Variants in CEP72 observed in about 807,000 individuals in gnomAD.
CEP72 encodes the protein centrosomal protein of 72 kDa.
In CEP72, 78 loss-of-function variants were observed where a neutral mutation model predicts 65.7. The ratio of observed to expected loss-of-function variants is 1.19; its 90% confidence interval spans 0.99 to 1.43. The LOEUF is 1.43. CEP72 is among the 40% of genes most tolerant of loss of function. The probability of loss-of-function intolerance (pLI) is 0.00; values close to 1 mark genes in which losing one functional copy is unlikely to be tolerated. For missense variants in CEP72, 914 were observed against 832.9 expected (o/e 1.10, Z -1.20); for synonymous variants, 358 against 351.7 (o/e 1.02, Z -0.20).
chr5:627,106 A>G (rs1047378044), intron 4 of CEP72, among the ~76,000 whole-genome samples: 2 of 152,210 alleles, frequency 1.3e-5, no homozygotes, highest in Admixed American at 6.5e-5. Context: ...TTTCTTCTGT[A>G]CAGTGAGCCC....
chr5:634,506 A>C (rs1340198613), intron 5 of CEP72, among the ~76,000 whole-genome samples: 1 of 152,266 alleles, frequency 6.6e-6, no homozygotes, highest in Non-Finnish European at 1.5e-5. Context: ...TCTTAGGTTC[A>C]TCTGTGCAAA....
chr5:616,435 C>T (rs1017430562), intron 1 of CEP72, among the ~76,000 whole-genome samples: 1 of 151,144 alleles, frequency 6.6e-6, no homozygotes, highest in Non-Finnish European at 1.5e-5. Flanking sequence ...CCTTGTTAGA[C>T]CTAAGTTCTG....
chr5:669,803 T>C (rs1006563931), downstream of CEP72, among the ~76,000 whole-genome samples: 7 of 151,928 alleles, frequency 4.6e-5, no homozygotes, highest in South Asian at 4.2e-4. Context: ...GAGACCCGGG[T>C]GCCCCCCGCC....
intron 4 of CEP72, among the ~76,000 whole-genome samples, chr5:628,013 T>C (rs1736865263): frequency 6.6e-6 from 1 of 152,182 alleles, no homozygotes; most frequent in Admixed American, 6.5e-5. Flanking sequence ...CGTGCAGACA[T>C]GGAGCGCCAC....
At chr5:668,351 G>T (rs61495967), downstream of CEP72, among the ~76,000 whole-genome samples, 2 of 92,722 alleles carry the variant, frequency 2.2e-5, no homozygotes, top group African/African-American at 1.1e-4. Context: ...AGGGAAGTGC[G>T]GACAAGCACA....
chr5:625,144 T>G (rs1249391987), intron 4 of CEP72, among the ~76,000 whole-genome samples: 1 of 152,164 alleles, frequency 6.6e-6, no homozygotes, highest in Non-Finnish European at 1.5e-5. Context: ...CCAGCCCTGC[T>G]GCCTGCATGT....
Position 629,540 on chromosome 5 carries a change from A to C in CEP72, c.513-4229A>C, listed in dbSNP as rs1697988. ...GGTTCTGTCCAGTGCCGGGATTTGG[A>C]CCAGTCCTGGTGGGGTTCTGTCCAG... On this transcript the variant is annotated intron_variant, in intron 4 of 11. Transcript: ENST00000264935. 4.2e-3 allele frequency among the ~76,000 whole-genome samples: 370 copies of C among 88,600 alleles called. 5 individuals are homozygous for C. The highest frequency in any genetic ancestry group is 0.019 in the African/African-American group (292 of 15,772). 58.1% of individuals were successfully genotyped at this position (88,600 alleles called of 152,430 possible).
chr5:640,318 C>T (rs1185127398), intron 8 of CEP72, 90 bp from the exon 9 acceptor site: 24 of 1,534,724 alleles, frequency 1.6e-5, no homozygotes, highest in Non-Finnish European at 2.0e-5. Flanking sequence ...GAGGCATCGT[C>T]TGTGTGATTC....
chr5:636,770 A>C (rs1178804824), intron 6 of CEP72, among the ~76,000 whole-genome samples: 1 of 150,474 alleles, frequency 6.6e-6, no homozygotes, highest in Admixed American at 6.6e-5. Flanking sequence ...AGATGGCATC[A>C]CTACACTCCA....
downstream of CEP72, among the ~76,000 whole-genome samples, chr5:670,787 CG>C (rs1344365775): frequency 6.6e-6 from 1 of 152,214 alleles, no homozygotes; most frequent in Non-Finnish European, 1.5e-5. Context: ...CAACGTTTCC[CG>C]GGGCCGACAG....
chr5:622,578 G>A (rs887728455), intron 3 of CEP72, among the ~76,000 whole-genome samples: 2 of 152,252 alleles, frequency 1.3e-5, no homozygotes, highest in Non-Finnish European at 2.9e-5. Context: ...CAGGCCCTGC[G>A]GCTGGGCTTC....
rs1371874224 is a variant in CEP72, at chr5:640,392, TG to T, written c.1343-14del. Reference sequence around the variant, plus strand: ...TAAGCCTAAGTGCTAATGTAATATTTGGTTTTCACTCCTAGCTCAGGCAAGA... The same window carrying T: ...TAAGCCTAAGTGCTAATGTAATATTTGTTTTCACTCCTAGCTCAGGCAAGA... On this transcript the variant is annotated splice_polypyrimidine_tract_variant and intron_variant, in intron 8 of 11. Transcript: ENST00000264935. 3 of 1,607,970 alleles carry T rather than the reference TG, an allele frequency of 1.9e-6. No individual in the cohort carries two copies. The African/African-American group carries it at 4.0e-5, about 21-fold the overall frequency.
intron 6 of CEP72, among the ~76,000 whole-genome samples, chr5:636,093 T>TG (rs1263666843): frequency 3.3e-5 from 5 of 152,274 alleles, no homozygotes; most frequent in Admixed American, 1.3e-4. Flanking sequence ...TTAGGAACTT[T>TG]GGGGGGTTCC....
At chr5:640,810 A>G (rs1170421385) in intron 9 of CEP72, 1 of 985,338 alleles carries the variant, frequency 1.0e-6, no homozygotes, top group African/African-American at 1.7e-5. Context: ...CTTTGGAGAC[A>G]GCAGTGGCGC....
chr5:668,583 G>A (rs1044798799), downstream of CEP72, among the ~76,000 whole-genome samples: 126 of 152,392 alleles, frequency 8.3e-4, 2 homozygotes, highest in African/African-American at 2.8e-3. Context: ...TGAGCAGGCC[G>A]CGGGGTGGGG....
intron 1 of CEP72, among the ~76,000 whole-genome samples, chr5:614,974 T>C (rs1164451034): frequency 6.6e-6 from 1 of 152,126 alleles, no homozygotes; most frequent in African/African-American, 2.4e-5. Flanking sequence ...GTGACTCTAT[T>C]AATGACTGAG....
chr5:639,414 G>A (rs1344067296), intron 8 of CEP72, among the ~76,000 whole-genome samples, 190 bp downstream of exon 8: 1 of 152,220 alleles, frequency 6.6e-6, no homozygotes, highest in East Asian at 1.9e-4. Flanking sequence ...AGGGCTCTCG[G>A]GAGACACCAC....
chr5:633,077 C>T lies in CEP72; in HGVS notation c.513-692C>T, dbSNP rs1379356224. ...GTCCTGGTGGGGTTCTGTCCAGTGCCGGGATTTGACCCAGTCCTGGTGGGG... is the reference window on the plus strand; with the variant it reads ...GTCCTGGTGGGGTTCTGTCCAGTGCTGGGATTTGACCCAGTCCTGGTGGGG... On this transcript the variant is annotated intron_variant, in intron 4 of 11. Coordinates refer to ENST00000264935, the MANE Select transcript of CEP72 (RefSeq NM_018140.4). Among the ~76,000 whole-genome samples, 4 of 61,756 alleles carry T rather than the reference C, an allele frequency of 6.5e-5. 1 individual carries two copies. Among genetic ancestry groups the T allele is most frequent in the African/African-American group, 2.5e-4 (2 of 8,012 alleles). 40.5% of individuals were successfully genotyped at this position (61,756 alleles called of 152,430 possible). A position where few individuals can be genotyped will look rare whatever the true frequency, so the allele number is the denominator to read the frequency against.
At chr5:651,134 TGA>T (rs1355708738) in intron 11 of CEP72, among the ~76,000 whole-genome samples, 1 of 51,458 alleles carries the variant, frequency 1.9e-5, no homozygotes, top group Non-Finnish European at 3.3e-5. Flanking sequence ...GCGTGGACTG[TGA>T]GGTGTGACTG....
Sources: gnomAD v4.1 joint callset for allele counts (sites outside exome capture counted in the v4.1 genomes callset) on GRCh38, gnomAD v4.1.1 for gene constraint, MANE v1.5 for transcripts, NCBI Gene and HGNC (gene_info 2026-07-23, HGNC 2026-07-21) for gene names.